PKHD1: variants seen among roughly 807,000 people sequenced by gnomAD.
PKHD1 encodes the protein fibrocystin.
Under a neutral mutation model 412.0 loss-of-function variants are expected in PKHD1, and 291 were observed. The ratio of observed to expected loss-of-function variants is 0.71; its 90% CI spans 0.64 to 0.78. PKHD1 has a LOEUF of 0.78. Among genes scored for constraint, PKHD1 ranks in the 30% least tolerant of loss-of-function variants. PKHD1 has a pLI of 0.00. For synonymous variants in PKHD1, 1,777 were observed against 1,821.5 expected (o/e 0.98, Z 0.62); for missense variants, 4,825 against 4,950.7 (o/e 0.97, Z 0.76).
chr6:51,761,731 AAAAT>A (rs1441389458), intron 55 of PKHD1, among the ~76,000 whole-genome samples: 4 of 152,118 alleles, frequency 2.6e-5, no homozygotes, highest in African/African-American at 9.7e-5. Context: ...TGTCAATTAA[AAAAT>A]AAAACGAAAT....
rs139172535 is a variant in PKHD1, at chr6:52,041,483, G to A, written c.3097+1376C>T. On this transcript the variant is annotated intron_variant, in intron 27 of 66. Transcript: ENST00000371117. ...TAAATGGGATGGGCCAATCAGTGTT[G>A]AGTGAGTGAGTACTGATTAACTCAT... 3.5e-4 allele frequency among the ~76,000 whole-genome samples: 53 copies of A among 152,268 alleles called. No homozygotes were observed. In the East Asian group the frequency reaches 9.6e-3, roughly 28 times the overall value.
intron 35 of PKHD1, among the ~76,000 whole-genome samples, chr6:51,976,944 TAAA>T (rs10671492): frequency 2.1e-5 from 2 of 93,544 alleles, no homozygotes; most frequent in African/African-American, 9.1e-5. Flanking sequence ...TGAGACTCCA[TAAA>T]AAAAAAAAAA....
At chr6:51,682,642 G>A (rs1776846631) in intron 60 of PKHD1, among the ~76,000 whole-genome samples, 1 of 152,046 alleles carries the variant, frequency 6.6e-6, no homozygotes, top group African/African-American at 2.4e-5. Flanking sequence ...GGCAAGTTGA[G>A]TGAACAGCTT....
At chr6:51,792,101 A>T (rs1295974800) in intron 52 of PKHD1, among the ~76,000 whole-genome samples, 1 of 152,128 alleles carries the variant, frequency 6.6e-6, no homozygotes, top group Non-Finnish European at 1.5e-5. Flanking sequence ...ATTATATTTT[A>T]TTTCCCCTTT....
In PKHD1 at chr6:51,934,344, G is replaced by T. The variant is rs116186175; in HGVS notation, c.5909-22C>A. Reference sequence around the variant, plus strand: ...CCCCCTAATGGACAAAGGGAAAATTGTCAGTCCCTGGGAGGATAAGGCTTA... The same window carrying T: ...CCCCCTAATGGACAAAGGGAAAATTTTCAGTCCCTGGGAGGATAAGGCTTA... On this transcript the variant is annotated intron_variant, in intron 36 of 66. Coordinates refer to ENST00000371117, the MANE Select transcript of PKHD1 (RefSeq NM_138694.4). 1,702 of 1,522,764 alleles carry T rather than the reference G, an allele frequency of 1.1e-3. 18 individuals carry two copies. The African/African-American group carries it at 0.02, about 18-fold the overall frequency. 94.3% of individuals were successfully genotyped at this position (1,522,764 alleles called of 1,614,324 possible).
intron 35 of PKHD1, among the ~76,000 whole-genome samples, chr6:51,961,325 C>A (rs1791992792): frequency 6.6e-6 from 1 of 152,150 alleles, no homozygotes; most frequent in African/African-American, 2.4e-5. Context: ...GCAGACCCAA[C>A]ACAATCACTG....
chr6:51,896,689 G>C (rs564031059), intron 43 of PKHD1, among the ~76,000 whole-genome samples: 1 of 152,336 alleles, frequency 6.6e-6, no homozygotes, highest in Non-Finnish European at 1.5e-5. Flanking sequence ...GCTGAGAGAA[G>C]AAGGCTTCAG....
chr6:51,734,253 CAG>C (rs1783568676), intron 60 of PKHD1, among the ~76,000 whole-genome samples: 1 of 152,130 alleles, frequency 6.6e-6, no homozygotes, highest in African/African-American at 2.4e-5. Context: ...TAGGAATAGT[CAG>C]AGTTTTCAAA....
chr6:51,863,257 A>ATC (rs1774485301), intron 48 of PKHD1, among the ~76,000 whole-genome samples: 1 of 151,934 alleles, frequency 6.6e-6, no homozygotes, highest in Admixed American at 6.6e-5. Flanking sequence ...TACTGTATAT[A>ATC]TGTCTTGACT....
At position 51,847,869 on chromosome 6, in the gene PKHD1, T is replaced by C; in HGVS notation, c.8013A>G (p.Arg2671=). 6.2e-7 allele frequency: 1 copy of C among 1,613,776 alleles called. No homozygotes were observed. The highest frequency in any genetic ancestry group is 1.1e-5 in the South Asian group (1 of 91,072). ...GAAGAAATGGAAAAGACAGACCCACTCGACTCCCACATCTTAGGAGGATGT... is the reference window on the plus strand; with the variant it reads ...GAAGAAATGGAAAAGACAGACCCACCCGACTCCCACATCTTAGGAGGATGT... ...YPDILLRCGS[R]VGLSFPFLPS... Residue 2671 remains arginine (R), a synonymous_variant, in exon 50 of 67, where the codon CGA becomes CGG. Coordinates refer to ENST00000371117, the MANE Select transcript of PKHD1 (RefSeq NM_138694.4).
chr6:51,898,917 A>G (rs537121506), intron 43 of PKHD1, among the ~76,000 whole-genome samples: 112 of 152,374 alleles, frequency 7.4e-4, no homozygotes, highest in Non-Finnish European at 1.4e-3. Flanking sequence ...AAAATTTAGA[A>G]GAAATGGATA....
At chr6:51,846,382 G>A (rs534574141) in intron 50 of PKHD1, among the ~76,000 whole-genome samples, 125 of 152,274 alleles carry the variant, frequency 8.2e-4, no homozygotes, top group Non-Finnish European at 1.5e-3. Context: ...GCTTGTGGCA[G>A]GGGCTAGAAC....
intron 52 of PKHD1, 35 bp downstream of exon 52, chr6:51,830,826 T>C (rs758564053): frequency 6.2e-7 from 1 of 1,601,664 alleles, no homozygotes; most frequent in South Asian, 1.1e-5. Context: ...GGGTTCAGCC[T>C]GTCTGTGATT....
intron 60 of PKHD1, among the ~76,000 whole-genome samples, chr6:51,702,229 G>GTATAATATA (rs1294842919): frequency 4.3e-5 from 4 of 92,628 alleles, no homozygotes; most frequent in African/African-American, 1.4e-4. Context: ...TTATATATAT[G>GTATAATATA]TCATGGAATA....
At chr6:51,994,249 C>T (rs954148701) in intron 35 of PKHD1, among the ~76,000 whole-genome samples, 1 of 152,156 alleles carries the variant, frequency 6.6e-6, no homozygotes, top group Non-Finnish European at 1.5e-5. Flanking sequence ...ATTCTCCTGC[C>T]TCAGCCTCCC....
At chr6:51,881,024 G>A (rs1271074680) in intron 46 of PKHD1, among the ~76,000 whole-genome samples, 1 of 148,530 alleles carries the variant, frequency 6.7e-6, no homozygotes, top group East Asian at 1.9e-4. Context: ...AAAGACAGAG[G>A]CTAAAATCAG....
At chr6:52,027,216 C>T (rs191998274) in intron 31 of PKHD1, among the ~76,000 whole-genome samples, 1 of 152,258 alleles carries the variant, frequency 6.6e-6, no homozygotes, top group Admixed American at 6.5e-5. Context: ...TCAGACGTTT[C>T]ATCCTCTTTT....
In PKHD1 at chr6:52,035,561, G is replaced by A. The variant is rs375106479; in HGVS notation, c.3228+30C>T. On this transcript the variant is annotated intron_variant, in intron 28 of 66. Coordinates refer to ENST00000371117, the MANE Select transcript of PKHD1 (RefSeq NM_138694.4). ...TATTAACAGTGGTCACTCACCCAGA[G>A]AGAAAGAGATATGAAAGGAATCCAC... 6.3e-5 allele frequency: 101 copies of A among 1,606,670 alleles called. No homozygotes were observed. The African/African-American group carries it at 9.9e-4, about 16-fold the overall frequency.
In PKHD1 at chr6:51,754,854, C is replaced by T; in HGVS notation, c.8727G>A (p.Glu2909=). 1 of 1,613,584 alleles carries T rather than the reference C, an allele frequency of 6.2e-7. No individual in the cohort carries two copies. The highest frequency in any genetic ancestry group is 1.1e-5 in the South Asian group (1 of 91,064). Residue 2909 remains glutamate (E), a synonymous_variant, in exon 56 of 67, where the codon GAG becomes GAA. Transcript: ENST00000371117. Reference sequence around the variant, plus strand: ...CCTTGACTTCTTTCACAGTGAGGACCTCTGCTTCATGAGGCTCATAAGAAG... The same window carrying T: ...CCTTGACTTCTTTCACAGTGAGGACTTCTGCTTCATGAGGCTCATAAGAAG... ...SSSSYEPHEA[E]VLTVKEVKGH...
Sources: gnomAD v4.1 joint callset for allele counts (sites outside exome capture counted in the v4.1 genomes callset) on GRCh38, gnomAD v4.1.1 for gene constraint, MANE v1.5 for transcripts, NCBI Gene and HGNC (gene_info 2026-07-23, HGNC 2026-07-21) for gene names.